MID1: variants seen among roughly 807,000 people sequenced by gnomAD.
MID1 encodes E3 ubiquitin-protein ligase Midline-1.
A neutral mutation model predicts 40.4 loss-of-function variants in MID1; 7 were observed. The ratio of observed to expected loss-of-function variants is 0.17; its 90% confidence interval spans 0.10 to 0.33. The LOEUF is 0.33. Among genes scored for constraint, MID1 ranks in the 10% least tolerant of loss-of-function variants. The pLI is 1.00. For missense variants in MID1, 367 were observed against 558.5 expected, an observed-to-expected ratio of 0.66 and a Z score of 3.46; for synonymous variants, 229 against 221.2, an observed-to-expected ratio of 1.04 and a Z score of -0.31.
intron 2 of MID1, among the ~76,000 whole-genome samples, chrX:10,552,715 C>T (rs1416823029): frequency 2.7e-5 from 3 of 110,124 alleles, no homozygotes; most frequent in Non-Finnish European, 5.7e-5. Flanking sequence ...TTTAGAATAA[C>T]GGGGTAAAGA....
intron 7 of MID1, among the ~76,000 whole-genome samples, chrX:10,463,195 A>AAATT (rs957931663): frequency 1.8e-5 from 2 of 112,535 alleles, no homozygotes; most frequent in Admixed American, 1.9e-4. Flanking sequence ...TAAAAAATAA[A>AAATT]AATTAATGTC....
At chrX:10,736,609 A>ACT (rs2043489715) in intron 1 of MID1, among the ~76,000 whole-genome samples, 1 of 112,200 alleles carries the variant, frequency 8.9e-6, no homozygotes, top group African/African-American at 3.2e-5. Context: ...TGACATGTAG[A>ACT]CTTAGTCCAT....
intron 2 of MID1, among the ~76,000 whole-genome samples, chrX:10,542,504 T>A (rs1206358496): frequency 8.9e-6 from 1 of 112,067 alleles, no homozygotes; most frequent in Non-Finnish European, 1.9e-5. Context: ...AGAAATAGTG[T>A]CTAAACAAAA....
At chrX:10,700,668 G>T (rs2043189197) in intron 1 of MID1, among the ~76,000 whole-genome samples, 1 of 112,091 alleles carries the variant, frequency 8.9e-6, no homozygotes, top group Admixed American at 9.4e-5. Context: ...GTAATTCTGG[G>T]GCAGAGAAAA....
chrX:10,754,703 G>A (rs1267656072), intron 1 of MID1, among the ~76,000 whole-genome samples: 1 of 111,050 alleles, frequency 9.0e-6, no homozygotes, highest in Non-Finnish European at 1.9e-5. Flanking sequence ...TGGGACCAGA[G>A]GGCCATTTTC....
At chrX:10,660,237 G>T (rs2042901293) in intron 1 of MID1, among the ~76,000 whole-genome samples, 2 of 112,479 alleles carry the variant, frequency 1.8e-5, no homozygotes, top group African/African-American at 6.5e-5. Context: ...TTTCTTTAGG[G>T]AACTTTTCTG....
At chrX:10,517,114 T>TATAAGGATGTGGC (rs1932488970) in intron 3 of MID1, among the ~76,000 whole-genome samples, 2 of 111,707 alleles carry the variant, frequency 1.8e-5, no homozygotes, top group Admixed American at 1.9e-4. Context: ...GATGTGGACT[T>TATAAGGATGTGGC]ATAAGGATGT....
chrX:10,558,389 A>T (rs1934207235), intron 2 of MID1, among the ~76,000 whole-genome samples: 1 of 112,556 alleles, frequency 8.9e-6, no homozygotes, highest in Non-Finnish European at 1.9e-5. Flanking sequence ...TCTACTCAAA[A>T]GCAGATTCAT....
chrX:10,681,647 C>A, intron 1 of MID1, among the ~76,000 whole-genome samples: 1 of 110,927 alleles, frequency 9.0e-6, no homozygotes, highest in Non-Finnish European at 1.9e-5. Context: ...CTGAGGCAGT[C>A]ATAAAACTTC....
rs139318036 is a variant in MID1 at position 10,510,976 on chromosome X, C to T, written c.756+12116G>A. Among the ~76,000 whole-genome samples, 178 of 106,547 alleles carry T rather than the reference C, an allele frequency of 1.7e-3. 2 individuals are homozygous for T. The highest frequency in any genetic ancestry group is 5.6e-3 in the African/African-American group (165 of 29,223). The allele number at this position is 106,547 out of a possible 115,157, so 92.5% of individuals were successfully genotyped here. A position where few individuals can be genotyped will look rare whatever the true frequency, so the allele number is the denominator to read the frequency against. On this transcript the variant is annotated intron_variant, in intron 3 of 9. Coordinates refer to ENST00000317552, the MANE Select transcript of MID1 (RefSeq NM_000381.4). ...AATTACATGTTAGGCTGGGCGTGGT[C>T]GCTCATGCCTGTAATCCCAGCACTT...
chrX:10,743,363 C>T (rs969006536), intron 1 of MID1, among the ~76,000 whole-genome samples: 11 of 112,296 alleles, frequency 9.8e-5, no homozygotes, highest in South Asian at 3.7e-4. Flanking sequence ...AAATACGAAA[C>T]GGCGGCATTA....
intron 1 of MID1, among the ~76,000 whole-genome samples, chrX:10,606,353 T>C (rs1230352163): frequency 9.0e-6 from 1 of 111,439 alleles, no homozygotes; most frequent in African/African-American, 3.3e-5. Context: ...GGTAAATTTA[T>C]AAAGTTAAAA....
chrX:10,729,856 G>A (rs1184543959), intron 1 of MID1, among the ~76,000 whole-genome samples: 14 of 111,229 alleles, frequency 1.3e-4, no homozygotes, highest in Non-Finnish European at 2.1e-4. Context: ...AGGCTGAGGC[G>A]GGCGGATCAC....
intron 7 of MID1, among the ~76,000 whole-genome samples, chrX:10,461,874 G>T (rs921342293): frequency 8.9e-6 from 1 of 111,891 alleles, no homozygotes; most frequent in African/African-American, 3.3e-5. Flanking sequence ...GTCAAAGAAA[G>T]CAAGTGTAAA....
In MID1 at chrX:10,664,924, C is replaced by T. The variant is rs77168244; in HGVS notation, c.-186-44505G>A. On this transcript the variant is annotated intron_variant, in intron 1 of 10. Coordinates refer to the MID1 transcript ENST00000380785. ...ATTAAGGATATGCATATTAATTAAACATCTAGAATGTAAGTTATTTATTGG... is the reference window on the plus strand; with the variant it reads ...ATTAAGGATATGCATATTAATTAAATATCTAGAATGTAAGTTATTTATTGG... Among the ~76,000 whole-genome samples the T allele has an allele frequency of 8.5e-4, 95 of 112,102 alleles. No individual in the cohort carries two copies. The East Asian group carries it at 0.023, about 27-fold the overall frequency.
intron 8 of MID1, among the ~76,000 whole-genome samples, chrX:10,456,761 C>G (rs111749721): frequency 6.3e-5 from 7 of 111,443 alleles, no homozygotes; most frequent in African/African-American, 2.3e-4. Flanking sequence ...CACTTGAACC[C>G]GGGAGGCGGA....
intron 4 of MID1, among the ~76,000 whole-genome samples, chrX:10,482,911 C>A (rs1218449410): frequency 2.7e-5 from 3 of 112,196 alleles, no homozygotes; most frequent in Non-Finnish European, 1.9e-5. Context: ...TGGCAACTTA[C>A]AAAGGGTCAC....
rs921847248 is a variant in MID1, at chrX:10,597,683, G to C, written c.-57+22607C>G. 4.5e-5 allele frequency among the ~76,000 whole-genome samples: 5 copies of C among 111,838 alleles called. No homozygotes were observed. In the Admixed American group the frequency reaches 4.8e-4, roughly 11 times the overall value. ...GTTTCAACAGGCTCCTTGTGACAGGGGGTTGAAAATGAAAATAGGTTGTAA... is the reference window on the plus strand; with the variant it reads ...GTTTCAACAGGCTCCTTGTGACAGGCGGTTGAAAATGAAAATAGGTTGTAA... On this transcript the variant is annotated intron_variant, in intron 1 of 9. Transcript: ENST00000317552.
chrX:10,593,951 A>T (rs1044739075), intron 1 of MID1, among the ~76,000 whole-genome samples: 1 of 111,614 alleles, frequency 9.0e-6, no homozygotes, highest in African/African-American at 3.3e-5. Flanking sequence ...ATTTCCATAA[A>T]GGACTGAATG....
Sources: gnomAD v4.1 joint callset for allele counts (sites outside exome capture counted in the v4.1 genomes callset) on GRCh38, gnomAD v4.1.1 for gene constraint, MANE v1.5 for transcripts, NCBI Gene and HGNC (gene_info 2026-07-23, HGNC 2026-07-21) for gene names.